The following CACNA1A variants were observed in gnomAD, a reference collection of about 807,000 sequenced individuals.
CACNA1A encodes the protein voltage-dependent P/Q-type calcium channel subunit alpha-1A.
CACNA1A carries 57 observed loss-of-function variants against 262.4 expected under a neutral mutation model. That is an observed-to-expected ratio of 0.22 (90% CI 0.18 to 0.27). The LOEUF is 0.27. CACNA1A is among the 10% of genes least tolerant of loss of function. The pLI is 1.00. For missense variants in CACNA1A, 2,526 were observed against 3,562.8 expected, an observed-to-expected ratio of 0.71 and a Z score of 7.41; for synonymous variants, 1,431 against 1,419.3, an observed-to-expected ratio of 1.01 and a Z score of -0.18.
At position 13,262,770 on chromosome 19, in the gene CACNA1A, T is replaced by G. The variant is rs1266482129; in HGVS notation, c.4053A>C (p.Arg1351=). Residue 1351 remains arginine, a synonymous_variant, in exon 25 of 47, where the codon CGA becomes CGC. Coordinates refer to ENST00000360228, the MANE Select transcript of CACNA1A (RefSeq NM_001127222.2). ...IKSLRVLRVL[R]PLKTIKRLPK... is the part of the protein sequence containing the mutation. ...GCAGCCGCTTGATGGTTTTAAGAGGTCGTAGCACCCGGAGGACTCGGAGGG... is the reference window on the plus strand; with the variant it reads ...GCAGCCGCTTGATGGTTTTAAGAGGGCGTAGCACCCGGAGGACTCGGAGGG... The G allele has an allele frequency of 6.2e-7, 1 of 1,613,438 alleles. No individual in the cohort carries two copies. The highest frequency in any genetic ancestry group is 1.1e-5 in the South Asian group (1 of 91,008).
chr19:13,442,077 C>T (rs916416156), intron 3 of CACNA1A, among the ~76,000 whole-genome samples: 1 of 152,144 alleles, frequency 6.6e-6, no homozygotes. Context: ...GTCCAGGGTG[C>T]TGAAACCTGT....
rs571421942 is a variant in CACNA1A, at chr19:13,504,610, G to C, written c.293+1322C>G. 5.9e-5 allele frequency among the ~76,000 whole-genome samples: 9 copies of C among 152,096 alleles called. No homozygotes were observed. In the South Asian group the frequency reaches 1.7e-3, roughly 28 times the overall value. Reference sequence around the variant, plus strand: ...ATAACTGCAAAACCACATACAAAAGGGATAGGGGACTCATCGCTGAGCCCC... The same window carrying C: ...ATAACTGCAAAACCACATACAAAAGCGATAGGGGACTCATCGCTGAGCCCC... On this transcript the variant is annotated intron_variant, in intron 1 of 46. Coordinates refer to ENST00000360228, the MANE Select transcript of CACNA1A (RefSeq NM_001127222.2).
At chr19:13,253,445 CTTTTTT>C (rs57960659) in intron 29 of CACNA1A, among the ~76,000 whole-genome samples, 10 of 94,244 alleles carry the variant, frequency 1.1e-4, no homozygotes, top group Non-Finnish European at 1.5e-4. Context: ...CTGAATTATA[CTTTTTT>C]TTTTTTTTTT....
In CACNA1A at chr19:13,253,083, C is replaced by T. The variant is rs2056445122; in HGVS notation, c.4774G>A (p.Ala1592Thr). ...AACACCCGCAGGGCATTTTCATAAG[C>T]AACAGAAGCCCCATAGAACTAGGGG... ...LMMKFYGASVAYENALRVFNI... is the reference protein window; with the variant it reads ...LMMKFYGASVTYENALRVFNI... Residue 1592 changes from alanine (A) to threonine (T), a missense_variant, in exon 30 of 47, where the codon GCT becomes ACT. By Grantham distance (58) the Ala-to-Thr change is moderately conservative. Around this residue, in one of 17 missense-constraint regions of CACNA1A, gnomAD observed 66 missense variants for 195.8 expected, o/e 0.34. Transcript: ENST00000360228. The T allele has an allele frequency of 6.2e-7, 1 of 1,612,310 alleles. No homozygotes were observed. Among genetic ancestry groups the T allele is most frequent in the Non-Finnish European group, 8.5e-7 (1 of 1,178,578 alleles).
In CACNA1A at chr19:13,241,494, T is replaced by C; in HGVS notation, c.4950+3688A>G. On this transcript the variant is annotated intron_variant, in intron 31 of 46. Transcript: ENST00000360228. The surrounding 1 kb of genome is among the most constrained non-coding windows in gnomAD (Gnocchi z 4.0). The stretch of plus-strand genomic sequence containing the variant: ...GCGTTCACAGTTAATGTAAGGCATT[T>C]AGACTTCAGAAAGAAGTAAGACCAA... 6.7e-7 allele frequency: 1 copy of C among 1,495,688 alleles called. No homozygotes were observed. Among genetic ancestry groups the C allele is most frequent in the Non-Finnish European group, 9.0e-7 (1 of 1,115,152 alleles). The allele number at this position is 1,495,688 out of a possible 1,614,324, so 92.7% of individuals were successfully genotyped here.
chr19:13,398,051 C>G (rs930054236), intron 3 of CACNA1A, among the ~76,000 whole-genome samples: 2 of 151,876 alleles, frequency 1.3e-5, no homozygotes, highest in Admixed American at 1.3e-4. Flanking sequence ...CACCTGAGGT[C>G]AGGAGTTTAA....
intron 40 of CACNA1A, among the ~76,000 whole-genome samples, chr19:13,213,263 C>G (rs1201232007): frequency 6.6e-6 from 1 of 152,174 alleles, no homozygotes; most frequent in African/African-American, 2.4e-5. Context: ...TTTGCACTGG[C>G]TGTTTCCTCT....
chr19:13,342,558 C>G (rs2058693075), intron 6 of CACNA1A, among the ~76,000 whole-genome samples: 1 of 152,198 alleles, frequency 6.6e-6, no homozygotes, highest in African/African-American at 2.4e-5. Context: ...TCAAATATTT[C>G]CAGCAATATG....
intron 3 of CACNA1A, among the ~76,000 whole-genome samples, chr19:13,428,696 T>A (rs1240361941): frequency 6.6e-6 from 1 of 152,112 alleles, no homozygotes; most frequent in Non-Finnish European, 1.5e-5. Flanking sequence ...TTTCGCCACG[T>A]CCACTGGGAT....
chr19:13,262,607 C>T (rs912769396), intron 25 of CACNA1A, 127 bp downstream of exon 25: 1 of 657,946 alleles, frequency 1.5e-6, no homozygotes, highest in South Asian at 1.8e-5. Context: ...AATATCCATA[C>T]ACGATGGCTA....
chr19:13,497,442 C>T (rs1276657697), intron 1 of CACNA1A, among the ~76,000 whole-genome samples: 1 of 121,728 alleles, frequency 8.2e-6, no homozygotes, highest in South Asian at 3.0e-4. Context: ...GAGCCGAGAT[C>T]GCGCCATTGC....
chr19:13,364,464 G>C (rs1282378436), intron 5 of CACNA1A: 2 of 152,132 alleles, frequency 1.3e-5, no homozygotes, highest in Non-Finnish European at 2.9e-5. Context: ...AGGACTGGTC[G>C]AGGTCTGAAA....
chr19:13,291,443 G>A (rs2057535782), intron 19 of CACNA1A, among the ~76,000 whole-genome samples: 1 of 151,734 alleles, frequency 6.6e-6, no homozygotes, highest in African/African-American at 2.4e-5. Flanking sequence ...GTTCAGAGAG[G>A]CAAAGTTACC....
chr19:13,275,558 G>C (rs1008648353), intron 24 of CACNA1A: 1 of 451,572 alleles, frequency 2.2e-6, no homozygotes, highest in Non-Finnish European at 4.1e-6. Flanking sequence ...GTTCCGGCGA[G>C]GCTAGTCTAC....
At chr19:13,357,627 T>G in intron 6 of CACNA1A, among the ~76,000 whole-genome samples, 1 of 152,174 alleles carries the variant, frequency 6.6e-6, no homozygotes, top group Non-Finnish European at 1.5e-5. Context: ...ACTGCTTACC[T>G]GCATAGTAGG....
intron 24 of CACNA1A, among the ~76,000 whole-genome samples, chr19:13,269,921 A>G (rs1040231411): frequency 1.3e-5 from 2 of 152,158 alleles, no homozygotes; most frequent in African/African-American, 4.8e-5. Context: ...TGGGGGAAGA[A>G]TCCTTGCTTT....
At position 13,303,967 on chromosome 19, in the gene CACNA1A, G is replaced by A. The variant is rs1018974976; in HGVS notation, c.1987-83C>T. 123 of 973,556 alleles carry A rather than the reference G, an allele frequency of 1.3e-4. No individual in the cohort carries two copies. The African/African-American group carries it at 1.7e-3, about 13-fold the overall frequency. The allele number at this position is 973,556 out of a possible 1,614,324, so 60.3% of individuals were successfully genotyped here. On this transcript the variant is annotated intron_variant, in intron 15 of 46. Coordinates refer to ENST00000360228, the MANE Select transcript of CACNA1A (RefSeq NM_001127222.2). Reference sequence around the variant, plus strand: ...AGATGCAGCTGTGGAGCCGGAATCCGCCCACCCCATCCCCGAGCCCAGGAG... The same window carrying A: ...AGATGCAGCTGTGGAGCCGGAATCCACCCACCCCATCCCCGAGCCCAGGAG...
chr19:13,313,374 C>G (rs1305415315), intron 11 of CACNA1A, among the ~76,000 whole-genome samples: 1 of 151,804 alleles, frequency 6.6e-6, no homozygotes, highest in Non-Finnish European at 1.5e-5. Context: ...GTGACACATG[C>G]CTGTAAACCC....
intron 26 of CACNA1A, 115 bp from the exon 27 acceptor site, chr19:13,259,816 G>C: frequency 8.7e-7 from 1 of 1,142,964 alleles, no homozygotes; most frequent in Non-Finnish European, 1.3e-6. Context: ...AGCCTAGACT[G>C]CTTGGGAAGC....
Sources: gnomAD v4.1 joint callset for allele counts (sites outside exome capture counted in the v4.1 genomes callset) on GRCh38, gnomAD v4.1.1 for gene constraint, gnomAD v4.1.1 regional missense constraint, Gnocchi (gnomAD v3.1) non-coding constraint, MANE v1.5 for transcripts, NCBI Gene and HGNC (gene_info 2026-07-23, HGNC 2026-07-21) for gene names.